EXD3: variants seen among roughly 807,000 people sequenced by gnomAD.
EXD3 encodes exonuclease 3'-5' domain containing 3.
In EXD3, 92 loss-of-function variants were observed where a neutral mutation model predicts 98.0. The ratio of observed to expected loss-of-function variants is 0.94; its 90% CI spans 0.79 to 1.12. The LOEUF is 1.12. Ranked by LOEUF, EXD3 falls within the 50% of genes most tolerant of loss-of-function variation. The pLI is 0.00. For synonymous variants in EXD3, 569 were observed against 526.0 expected, an observed-to-expected ratio of 1.08 and a Z score of -1.12; for missense variants, 1,222 against 1,191.6, an observed-to-expected ratio of 1.03 and a Z score of -0.38.
At chr9:137,386,600 C>A (rs912766079) in intron 2 of EXD3, among the ~76,000 whole-genome samples, 6 of 152,128 alleles carry the variant, frequency 3.9e-5, no homozygotes, top group African/African-American at 1.4e-4. Context: ...TGGGGCAGGC[C>A]AGGCCACTTT....
At chr9:137,366,289 A>G (rs1266498738) in intron 7 of EXD3, 3 of 738,102 alleles carry the variant, frequency 4.1e-6, no homozygotes. Context: ...ACTCGGGAGA[A>G]GAGGGCTGTG....
Position 137,352,695 on chromosome 9 carries a change from A to G in EXD3, c.962T>C (p.Met321Thr), listed in dbSNP as rs2119231611. Residue 321 changes from methionine (M) to threonine (T), a missense_variant, in exon 11 of 22, where the codon ATG becomes ACG. Physicochemically the swap from Met to Thr is moderately conservative, Grantham distance 81 (BLOSUM62 -1). Transcript: ENST00000340951. ...CCGCTCCTCGGGCAGCAAGAGTTCC[A>G]TGGCACACTGGGCGGCCGTGACTGG... is the stretch of plus-strand genomic sequence containing the variant. ...SDPVTAAQCA[M>T]ELLLPEERLP... 6.4e-7 allele frequency: 1 copy of G among 1,562,608 alleles called. No homozygotes were observed. Among genetic ancestry groups the G allele is most frequent in the East Asian group, 2.4e-5 (1 of 41,822 alleles).
intron 7 of EXD3, among the ~76,000 whole-genome samples, chr9:137,364,267 G>C (rs892605079): frequency 1.3e-5 from 2 of 152,094 alleles, no homozygotes; most frequent in Admixed American, 1.3e-4. Context: ...CATGCTCATG[G>C]CTATGGGGTA....
chr9:137,353,928 C>T, intron 10 of EXD3: 24 of 1,022,152 alleles, frequency 2.3e-5, no homozygotes, highest in Non-Finnish European at 2.8e-5. Context: ...CCGCATTCTT[C>T]AGGACGTCCG....
intron 1 of EXD3, among the ~76,000 whole-genome samples, chr9:137,412,384 TAAATA>T (rs1564220504): frequency 6.6e-6 from 1 of 152,258 alleles, no homozygotes; most frequent in Non-Finnish European, 1.5e-5. Context: ...ATACTGGAGT[TAAATA>T]AAATATATTA....
chr9:137,351,023 T>TCA lies in EXD3; in HGVS notation c.1494+13_1494+14dup. On this transcript the variant is annotated intron_variant, in intron 14 of 21. Coordinates refer to ENST00000340951, the MANE Select transcript of EXD3 (RefSeq NM_017820.5). ...GCCCACCCGGCATCTTGTGAGCGGCTCAGTGGGTGCCCACCTGTCTGTGCA... is the reference window on the plus strand; with the variant it reads ...GCCCACCCGGCATCTTGTGAGCGGCTCACAGTGGGTGCCCACCTGTCTGTGCA... 6.4e-7 allele frequency: 1 copy of TCA among 1,550,510 alleles called. No homozygotes were observed. The highest frequency in any genetic ancestry group is 8.7e-7 in the Non-Finnish European group (1 of 1,146,840).
At position 137,386,677 on chromosome 9, in the gene EXD3, C is replaced by T. The variant is rs1836607234; in HGVS notation, c.56-3300G>A. On this transcript the variant is annotated intron_variant, in intron 2 of 21. Transcript: ENST00000340951. ...AGGGCCCACCACATCCTCCCAGCCT[C>T]CAACCTCCGTGTACCTGGACCCTGC... is the stretch of plus-strand genomic sequence containing the variant. 5.3e-5 allele frequency among the ~76,000 whole-genome samples: 8 copies of T among 152,170 alleles called. No homozygotes were observed. In the South Asian group the frequency reaches 1.7e-3, roughly 32 times the overall value.
chr9:137,415,196 G>GT (rs1265025888), intron 1 of EXD3, among the ~76,000 whole-genome samples: 4 of 145,792 alleles, frequency 2.7e-5, no homozygotes, highest in African/African-American at 1.0e-4. Flanking sequence ...CCTGTCACAG[G>GT]TTTGTTTTTT....
At chr9:137,417,525 C>T (rs1184983016) in intron 1 of EXD3, among the ~76,000 whole-genome samples, 3 of 152,170 alleles carry the variant, frequency 2.0e-5, no homozygotes, top group Non-Finnish European at 2.9e-5. Context: ...TCGAACACAG[C>T]GACCACGGGC....
chr9:137,328,584 ACACGGGAC>A (rs1832642141), intron 17 of EXD3, among the ~76,000 whole-genome samples: 2 of 20,364 alleles, frequency 9.8e-5, no homozygotes, highest in East Asian at 0.031. Context: ...CACAGGAGCT[ACACGGGAC>A]TACACGGGAC....
At chr9:137,415,931 CACG>C (rs1189270956) in intron 1 of EXD3, among the ~76,000 whole-genome samples, 1 of 152,252 alleles carries the variant, frequency 6.6e-6, no homozygotes, top group Non-Finnish European at 1.5e-5. Flanking sequence ...CAGGCAGATG[CACG>C]TGTGAGGGCC....
At chr9:137,328,641 G>C (rs79097974) in intron 17 of EXD3, among the ~76,000 whole-genome samples, 1 of 21,776 alleles carries the variant, frequency 4.6e-5, no homozygotes, top group Admixed American at 5.4e-4. Context: ...ACTACACGGG[G>C]CTACACGGGA....
intron 1 of EXD3, among the ~76,000 whole-genome samples, chr9:137,414,479 CTG>C (rs913492995): frequency 2.0e-5 from 3 of 152,010 alleles, no homozygotes; most frequent in Non-Finnish European, 2.9e-5. Flanking sequence ...ATTCCTAGGA[CTG>C]GAGCTGCTGA....
At chr9:137,363,504 A>G (rs148330532) in intron 7 of EXD3, among the ~76,000 whole-genome samples, 168 of 151,002 alleles carry the variant, frequency 1.1e-3, no homozygotes, top group African/African-American at 4.0e-3. Context: ...TGCCTGGCTA[A>G]TTTTCGTATT....
chr9:137,373,414 C>T lies in EXD3; in HGVS notation c.294+12G>A, dbSNP rs769112063. On this transcript the variant is annotated intron_variant, in intron 4 of 21. Transcript: ENST00000340951. ...GGAAGGGAGGTGACTGTCACAGAAC[C>T]CATGGGCTCACCTGGGCCAGGCTCG... 3 of 1,603,792 alleles carry T rather than the reference C, an allele frequency of 1.9e-6. No individual in the cohort carries two copies. In the East Asian group the frequency reaches 6.7e-5, roughly 36 times the overall value.
At chr9:137,394,739 G>A (rs1231938631) in intron 2 of EXD3, among the ~76,000 whole-genome samples, 1 of 152,200 alleles carries the variant, frequency 6.6e-6, no homozygotes, top group Non-Finnish European at 1.5e-5. Context: ...TTTGCCCACA[G>A]GGAAGGTGCC....
intron 1 of EXD3, among the ~76,000 whole-genome samples, chr9:137,398,666 C>T (rs1277000865): frequency 1.0e-4 from 15 of 148,862 alleles, no homozygotes; most frequent in African/African-American, 3.2e-4. Flanking sequence ...CACAGGCGAC[C>T]GCGTCCCCAA....
chr9:137,396,730 A>C (rs1258234495), intron 1 of EXD3, among the ~76,000 whole-genome samples: 1 of 152,210 alleles, frequency 6.6e-6, no homozygotes, highest in African/African-American at 2.4e-5. Context: ...CGTCACATGG[A>C]GGTTAGGATG....
intron 2 of EXD3, among the ~76,000 whole-genome samples, chr9:137,384,454 T>A (rs191742180): frequency 3.4e-4 from 52 of 152,326 alleles, no homozygotes; most frequent in African/African-American, 1.2e-3. Context: ...ATAACTCACC[T>A]GGGACGGGCA....
Sources: gnomAD v4.1 joint callset for allele counts (sites outside exome capture counted in the v4.1 genomes callset) on GRCh38, gnomAD v4.1.1 for gene constraint, MANE v1.5 for transcripts, NCBI Gene and HGNC (gene_info 2026-07-23, HGNC 2026-07-21) for gene names.